Variants in KNTC1 observed in about 807,000 individuals in gnomAD.
KNTC1 encodes kinetochore-associated protein 1.
KNTC1 carries 253 observed loss-of-function variants against 314.4 expected under a neutral mutation model. The ratio of observed to expected loss-of-function variants is 0.80; its 90% CI spans 0.73 to 0.89. The LOEUF is 0.89. Ranked by LOEUF, KNTC1 falls within the 40% of genes least tolerant of loss-of-function variation. The pLI, the probability that KNTC1 is intolerant of heterozygous loss-of-function variation, is 0.00. For synonymous variants in KNTC1, 901 were observed against 901.4 expected (o/e 1.00, Z 0.01); for missense variants, 2,475 against 2,572.9 (o/e 0.96, Z 0.82).
In KNTC1 at chr12:122,622,618, T is replaced by TAAAAAA; in HGVS notation, c.6515+19_6515+24dup. The TAAAAAA allele has an allele frequency of 8.1e-7, 1 of 1,236,072 alleles. No individual in the cohort carries two copies. Among genetic ancestry groups the TAAAAAA allele is most frequent in the Non-Finnish European group, 1.1e-6 (1 of 923,906 alleles). 76.6% of individuals were successfully genotyped at this position (1,236,072 alleles called of 1,614,324 possible). A position where few individuals can be genotyped will look rare whatever the true frequency, so the allele number is the denominator to read the frequency against. ...GGCAAATGACTTAAGGTAAGTTAAT[T>TAAAAAA]AAAAAAAAAAAAACTTACTGTGGAA... On this transcript the variant is annotated intron_variant, in intron 62 of 63. Coordinates refer to ENST00000333479, the MANE Select transcript of KNTC1 (RefSeq NM_014708.6).
intron 59 of KNTC1, chr12:122,620,168 CAAAAA>C (rs10719316): frequency 1.3e-4 from 13 of 99,444 alleles, no homozygotes; most frequent in Non-Finnish European, 2.7e-4. Flanking sequence ...GACTGTTTCT[CAAAAA>C]AAAAAAAAAA....
At chr12:122,559,927 C>T (rs571518074) in intron 18 of KNTC1, among the ~76,000 whole-genome samples, 2 of 152,138 alleles carry the variant, frequency 1.3e-5, no homozygotes, top group Admixed American at 6.6e-5. Context: ...TAATCACATT[C>T]GGCCATCGTC....
chr12:122,540,620 T>A (rs547119971), intron 5 of KNTC1, among the ~76,000 whole-genome samples: 1 of 152,302 alleles, frequency 6.6e-6, no homozygotes, highest in East Asian at 1.9e-4. Context: ...TTGAGATTTC[T>A]ATAGGTTACC....
At chr12:122,548,715 C>T (rs1962970774) in intron 12 of KNTC1, among the ~76,000 whole-genome samples, 1 of 152,030 alleles carries the variant, frequency 6.6e-6, no homozygotes, top group African/African-American at 2.4e-5. Flanking sequence ...CACCTGTAAT[C>T]CTAGCGCTTT....
Position 122,580,677 on chromosome 12 carries a change from A to T in KNTC1, c.2982+7A>T. The T allele has an allele frequency of 6.6e-7, 1 of 1,526,486 alleles. No individual in the cohort carries two copies. The highest frequency in any genetic ancestry group is 8.9e-7 in the Non-Finnish European group (1 of 1,122,122). The allele number at this position is 1,526,486 out of a possible 1,614,324, so 94.6% of individuals were successfully genotyped here. A position where few individuals can be genotyped will look rare whatever the true frequency, so the allele number is the denominator to read the frequency against. ...AGAGGTTGCTAGCTTACAGGTAAACATATTGAGCCATGTTAAACATTATTA... is the reference window on the plus strand; with the variant it reads ...AGAGGTTGCTAGCTTACAGGTAAACTTATTGAGCCATGTTAAACATTATTA... On this transcript the variant is annotated splice_region_variant and intron_variant, in intron 33 of 63. Coordinates refer to ENST00000333479, the MANE Select transcript of KNTC1 (RefSeq NM_014708.6).
intron 44 of KNTC1, among the ~76,000 whole-genome samples, chr12:122,599,435 G>A (rs1323912706): frequency 2.6e-5 from 4 of 151,220 alleles, no homozygotes; most frequent in South Asian, 2.1e-4. Flanking sequence ...GTCTCGGCTC[G>A]CTGTAGCCTC....
chr12:122,590,364 G>A (rs536503242), intron 40 of KNTC1, among the ~76,000 whole-genome samples: 5 of 152,134 alleles, frequency 3.3e-5, no homozygotes, highest in African/African-American at 1.2e-4. Flanking sequence ...TTAAACCTAA[G>A]CAAACACATT....
At chr12:122,548,900 A>G (rs1351743927) in intron 12 of KNTC1, among the ~76,000 whole-genome samples, 2 of 152,076 alleles carry the variant, frequency 1.3e-5, no homozygotes, top group Non-Finnish European at 2.9e-5. Flanking sequence ...CCTGGGAGGC[A>G]GAGGTTGCGG....
chr12:122,571,007 CTG>C lies in KNTC1; in HGVS notation c.1918-16_1918-15del. Reference sequence around the variant, plus strand: ...AGCATAAAACATTGTTTTGAACTGTCTGTAATCTTTTTTAAAGGCAAATTGGC... The same window carrying C: ...AGCATAAAACATTGTTTTGAACTGTCTAATCTTTTTTAAAGGCAAATTGGC... On this transcript the variant is annotated splice_polypyrimidine_tract_variant and intron_variant, in intron 23 of 63. Transcript: ENST00000333479. 6.2e-7 allele frequency: 1 copy of C among 1,607,822 alleles called. No homozygotes were observed. Among genetic ancestry groups the C allele is most frequent in the East Asian group, 2.2e-5 (1 of 44,794 alleles).
At chr12:122,609,150 A>G (rs1872847695) in intron 51 of KNTC1, 1 of 473,006 alleles carries the variant, frequency 2.1e-6, no homozygotes, top group African/African-American at 2.1e-5. Context: ...CAATCTATAT[A>G]CTTAGAATTG....
At chr12:122,599,958 G>A (rs552437922) in intron 44 of KNTC1, among the ~76,000 whole-genome samples, 1 of 152,266 alleles carries the variant, frequency 6.6e-6, no homozygotes, top group Non-Finnish European at 1.5e-5. Flanking sequence ...GGTCAAGGCT[G>A]CAGTGAGTTG....
In KNTC1 at chr12:122,615,040, T is replaced by C. The variant is rs376634701; in HGVS notation, c.5927T>C (p.Leu1976Pro). 79 of 1,613,674 alleles carry C rather than the reference T, an allele frequency of 4.9e-5. No homozygotes were observed. In the African/African-American group the frequency reaches 9.6e-4, roughly 20 times the overall value. ...ELCLEYKIYD[L>P]QLWNGLLQKL... ...TGTTTAGAATACAAAATCTATGACC[T>C]GCAGCTTTGGAATGGACTCTTGCAA... Residue 1976 changes from leucine to proline, a missense_variant, in exon 56 of 64, where the codon CTG (leucine) becomes CCG (proline). Transcript: ENST00000333479.
chr12:122,554,254 A>T (rs1397197029), intron 16 of KNTC1, among the ~76,000 whole-genome samples: 1 of 150,782 alleles, frequency 6.6e-6, no homozygotes, highest in Non-Finnish European at 1.5e-5. Flanking sequence ...TTATTTTTAT[A>T]TATATTTTGT....
intron 48 of KNTC1, 56 bp from the exon 49 acceptor site, chr12:122,604,508 A>G (rs1872358278): frequency 6.8e-6 from 7 of 1,036,892 alleles, no homozygotes; most frequent in South Asian, 6.6e-5. Flanking sequence ...CATTTTCTTG[A>G]AAAGATTAAG....
In KNTC1 at chr12:122,596,313, G is replaced by A. The variant is rs977409550; in HGVS notation, c.4356-1418G>A. ...ACCTAGGCTGGTCTTGAACTCCTGAGCTCAGGCAATCCACCCGTCTCGACC... is the reference window on the plus strand; with the variant it reads ...ACCTAGGCTGGTCTTGAACTCCTGAACTCAGGCAATCCACCCGTCTCGACC... On this transcript the variant is annotated intron_variant, in intron 43 of 63. Coordinates refer to ENST00000333479, the MANE Select transcript of KNTC1 (RefSeq NM_014708.6). 7.9e-5 allele frequency among the ~76,000 whole-genome samples: 12 copies of A among 151,894 alleles called. No homozygotes were observed. The East Asian group carries it at 2.1e-3, about 27-fold the overall frequency.
intron 20 of KNTC1, among the ~76,000 whole-genome samples, chr12:122,567,897 T>G (rs1964450017): frequency 6.6e-6 from 1 of 152,096 alleles, no homozygotes; most frequent in Non-Finnish European, 1.5e-5. Context: ...GATGCTGAGG[T>G]GGCAGGATTG....
chr12:122,622,647 C>A (rs1268788773), intron 62 of KNTC1, 40 bp downstream of exon 62: 1 of 1,453,480 alleles, frequency 6.9e-7, no homozygotes, highest in South Asian at 1.4e-5. Flanking sequence ...TGTGGAATTT[C>A]CTTAAAATCT....
chr12:122,575,777 A>C, intron 28 of KNTC1, 23 bp from the exon 29 acceptor site: 1 of 1,591,084 alleles, frequency 6.3e-7, no homozygotes, highest in Non-Finnish European at 8.6e-7. Flanking sequence ...AATCCATGTT[A>C]ATATGGGTAA....
rs1420018365 is a variant in KNTC1 at position 122,587,801 on chromosome 12, T to G, written c.3821T>G (p.Phe1274Cys). The G allele has an allele frequency of 6.2e-7, 1 of 1,613,880 alleles. No individual in the cohort carries two copies. The highest frequency in any genetic ancestry group is 1.3e-5 in the African/African-American group (1 of 75,060). ...AGCCAGTGGGAGCTAGCCCTAAGAT[T>G]TGTGGTTGGTTCATTTGGTACCTGT... ...ESSQWELALR[F>C]VVGSFGTCLQ... Residue 1274 changes from phenylalanine (F) to cysteine (C), a missense_variant, in exon 39 of 64, where the codon TTT becomes TGT. Phe to Cys is a radical substitution (Grantham distance 205). Coordinates refer to ENST00000333479, the MANE Select transcript of KNTC1 (RefSeq NM_014708.6).
Sources: allele counts gnomAD v4.1 joint callset (sites outside exome capture counted in the v4.1 genomes callset), GRCh38; gene constraint gnomAD v4.1.1; transcripts MANE v1.5; gene names NCBI Gene and HGNC (gene_info 2026-07-23, HGNC 2026-07-21).